The following FAM83G variants were observed in gnomAD, a reference collection of about 807,000 sequenced individuals.
The protein encoded by FAM83G is scaffolding CK1 anchoring protein G, also known as protein FAM83G.
FAM83G carries 38 observed loss-of-function variants against 61.5 expected under a neutral mutation model. That is an observed-to-expected ratio of 0.62 (90% CI 0.48 to 0.81). The LOEUF (loss-of-function observed/expected upper bound fraction) is 0.81. FAM83G is among the 30% of genes least tolerant of loss of function. The pLI, the probability that FAM83G is intolerant of heterozygous loss-of-function variation, is 0.00. For missense variants in FAM83G, 989 were observed against 1,133.6 expected (o/e 0.87, Z 1.83); for synonymous variants, 470 against 476.1 (o/e 0.99, Z 0.17).
chr17:18,991,501 G>A lies in FAM83G; in HGVS notation c.523-3087C>T, dbSNP rs186722497. On this transcript the variant is annotated intron_variant, in intron 2 of 5. Coordinates refer to ENST00000388995, the MANE Select transcript of FAM83G (RefSeq NM_001039999.3). ...AGAGGTCCTGGGCAGGGCAAGGGCT[G>A]TGGAAATGAGAGGGGAGGCTGACTC... 4.7e-4 allele frequency among the ~76,000 whole-genome samples: 71 copies of A among 152,328 alleles called. 1 individual carries two copies. Among genetic ancestry groups the A allele is most frequent in the Middle Eastern group, 3.4e-3 (1 of 294 alleles).
Position 19,003,776 on chromosome 17 carries a change from C to A in FAM83G, c.266G>T (p.Gly89Val), listed in dbSNP as rs1262598470. 7 of 1,610,544 alleles carry A rather than the reference C, an allele frequency of 4.3e-6. No individual in the cohort carries two copies. The highest frequency in any genetic ancestry group is 2.7e-5 in the African/African-American group (2 of 74,718). The stretch of plus-strand genomic sequence containing the variant: ...GTCGCCGACCCCATTGTCCTCGGGC[C>A]CCTGAGAGGGGCCCGTGCCCCGAGG... ...EDPRGTGPSQ[G>V]PEDNGVGDGE... Residue 89 changes from glycine to valine, a missense_variant, in exon 2 of 6, where the codon GGG becomes GTG. Around this residue, in one of 3 missense-constraint regions of FAM83G, gnomAD observed 371 missense variants for 404.5 expected, o/e 0.92. Coordinates refer to ENST00000388995, the MANE Select transcript of FAM83G (RefSeq NM_001039999.3). The surrounding 1 kb of genome is among the most constrained non-coding windows in gnomAD (Gnocchi z 4.5).
Position 18,978,692 on chromosome 17 carries a change from G to C in FAM83G, c.974C>G (p.Pro325Arg), listed in dbSNP as rs2043051951. ...GGGGACCACAGAGGGCAGCACAATAGGCTCCGGCTCCGGTTCCTTCTCCAT... is the reference window on the plus strand; with the variant it reads ...GGGGACCACAGAGGGCAGCACAATACGCTCCGGCTCCGGTTCCTTCTCCAT... ...IPMEKEPEPE[P>R]IVLPSVVPLV... is the part of the protein sequence containing the mutation. Residue 325 changes from proline (P) to arginine (R), a missense_variant, in exon 5 of 6, where the codon CCT (proline) becomes CGT (arginine). Transcript: ENST00000388995. The C allele has an allele frequency of 6.2e-7, 1 of 1,612,874 alleles. No homozygotes were observed. Among genetic ancestry groups the C allele is most frequent in the Non-Finnish European group, 8.5e-7 (1 of 1,180,026 alleles).
intron 5 of FAM83G, among the ~76,000 whole-genome samples, chr17:18,973,611 A>G (rs1281494069): frequency 3.3e-5 from 5 of 152,088 alleles, no homozygotes; most frequent in African/African-American, 9.7e-5. Flanking sequence ...GTCTGACTCC[A>G]CTTTGCTCTG....
At chr17:18,984,210 C>T (rs1048941641) in intron 3 of FAM83G, among the ~76,000 whole-genome samples, 4 of 151,736 alleles carry the variant, frequency 2.6e-5, no homozygotes, top group Non-Finnish European at 2.9e-5. Context: ...GGCGTGGTGG[C>T]GGGCCCCTGT....
Position 19,003,952 on chromosome 17 carries a change from C to T in FAM83G, c.90G>A (p.Glu30=), listed in dbSNP as rs532169159. ...ESKPEFFYSE[E]QRLALEALVA... ...CCAGGGCCTCCAGCGCCAGCCGCTG[C>T]TCCTCGCTGTAGAAGAACTCAGGCT... Residue 30 remains glutamate, a synonymous_variant, in exon 2 of 6, where the codon GAG becomes GAA. Transcript: ENST00000388995. This position sits in a 1 kb window ranked among gnomAD's most constrained non-coding sequence, Gnocchi z 4.5. The T allele has an allele frequency of 6.2e-6, 10 of 1,612,962 alleles. No homozygotes were observed. The South Asian group carries it at 1.1e-4, about 18-fold the overall frequency.
chr17:18,978,750 T>C lies in FAM83G; in HGVS notation c.916A>G (p.Met306Val), dbSNP rs775851930. 6.2e-7 allele frequency: 1 copy of C among 1,612,908 alleles called. No individual in the cohort carries two copies. The highest frequency in any genetic ancestry group is 8.5e-7 in the Non-Finnish European group (1 of 1,179,992). ...CCCTTGAGGCTCACACTGTGTGACATGAGGTACAGCTCCTGGAACTGCCGG... is the reference window on the plus strand; with the variant it reads ...CCCTTGAGGCTCACACTGTGTGACACGAGGTACAGCTCCTGGAACTGCCGG... Reference protein sequence around the residue: ...FDRQFQELYLMSHSVSLKGIP... With the variant: ...FDRQFQELYLVSHSVSLKGIP... The change falls in exon 5 of 6, where the codon ATG becomes GTG. Residue 306 changes from methionine (M) to valine (V), a missense_variant. By Grantham distance (21) the Met-to-Val change is conservative. Around this residue, in one of 3 missense-constraint regions of FAM83G, gnomAD observed 44 missense variants for 83.9 expected, o/e 0.52. Transcript: ENST00000388995.
In FAM83G at chr17:19,004,568, T is replaced by A. The variant is rs2043827761; in HGVS notation, c.-129+141A>T. 6.6e-6 allele frequency: 1 copy of A among 151,698 alleles called. No individual in the cohort carries two copies. The highest frequency in any genetic ancestry group is 1.5e-5 in the Non-Finnish European group (1 of 67,880). The allele number at this position is 151,698 out of a possible 1,614,324, so 9.4% of individuals were successfully genotyped here. ...CGGGTAAGGGAGGGGTCTTAAAATT[T>A]CCGGGTGCCGGCAACCCAGGAGGCC... On this transcript the variant is annotated intron_variant, in intron 1 of 5. Coordinates refer to ENST00000388995, the MANE Select transcript of FAM83G (RefSeq NM_001039999.3). The surrounding 1 kb of genome is among the most constrained non-coding windows in gnomAD (Gnocchi z 5.4).
At position 18,971,069 on chromosome 17, in the gene FAM83G, C is replaced by A. The variant is rs1437044271; in HGVS notation, c.*290G>T. The A allele has an allele frequency of 6.2e-7, 1 of 1,614,104 alleles. No individual in the cohort carries two copies. Among genetic ancestry groups the A allele is most frequent in the Non-Finnish European group, 8.5e-7 (1 of 1,180,034 alleles). On this transcript the variant is annotated 3_prime_UTR_variant, in exon 6 of 6. Coordinates refer to ENST00000388995, the MANE Select transcript of FAM83G (RefSeq NM_001039999.3). This position sits in a 1 kb window ranked among gnomAD's most constrained non-coding sequence, Gnocchi z 5.5. ...GGAGGCAGCCTACGCCCAGGCCATTCCCTCCAGGACCATTGCCAACACCAC... is the reference window on the plus strand; with the variant it reads ...GGAGGCAGCCTACGCCCAGGCCATTACCTCCAGGACCATTGCCAACACCAC...
In FAM83G at chr17:18,969,025, C is replaced by A; in HGVS notation, c.*2334G>T. On this transcript the variant is annotated 3_prime_UTR_variant, in exon 6 of 6. Transcript: ENST00000388995. ...TTGCTGGAGCCCTGGGAATAACAGT[C>A]CCACACAAGGCTCTCTCCCTCCGCA... is the stretch of plus-strand genomic sequence containing the variant. The A allele has an allele frequency of 6.3e-7, 1 of 1,599,714 alleles. No homozygotes were observed.
chr17:18,973,906 T>TC (rs1484588575), intron 5 of FAM83G, among the ~76,000 whole-genome samples: 33 of 143,186 alleles, frequency 2.3e-4, no homozygotes, highest in African/African-American at 8.0e-4. Context: ...TTTTTTTTTT[T>TC]CCCAGAGACA....
At chr17:18,982,439 C>T (rs2043162066) in intron 3 of FAM83G, among the ~76,000 whole-genome samples, 1 of 152,232 alleles carries the variant, frequency 6.6e-6, no homozygotes, top group Non-Finnish European at 1.5e-5. Context: ...TGTCTCTGAG[C>T]TCCTGGGACA....
intron 3 of FAM83G, among the ~76,000 whole-genome samples, chr17:18,980,707 G>A (rs1225902958): frequency 6.6e-6 from 1 of 152,126 alleles, no homozygotes; most frequent in South Asian, 2.1e-4. Context: ...CCCAAGTGTC[G>A]AGGATGGCCA....
At chr17:18,984,497 G>C (rs971008700) in intron 3 of FAM83G, among the ~76,000 whole-genome samples, 1 of 152,220 alleles carries the variant, frequency 6.6e-6, no homozygotes. Flanking sequence ...AGGCCTGAGC[G>C]GCAGCGATCC....
At chr17:18,972,784 C>G (rs1019768559) in intron 5 of FAM83G, among the ~76,000 whole-genome samples, 1 of 151,930 alleles carries the variant, frequency 6.6e-6, no homozygotes, top group East Asian at 1.9e-4. Context: ...ATGGCGTGAG[C>G]CCAGGAGGTG....
At chr17:18,979,872 T>G (rs1464713553) in intron 3 of FAM83G, among the ~76,000 whole-genome samples, 199 bp from the exon 4 acceptor site, 1 of 152,026 alleles carries the variant, frequency 6.6e-6, no homozygotes, top group African/African-American at 2.4e-5. Flanking sequence ...TGCTGAGCCG[T>G]GAAGCTACAG....
intron 2 of FAM83G, among the ~76,000 whole-genome samples, chr17:18,997,859 GAC>G (rs200609242): frequency 6.6e-6 from 1 of 151,834 alleles, no homozygotes; most frequent in East Asian, 1.9e-4. Flanking sequence ...CTCCATGCCA[GAC>G]ACAGAGTGTT....
chr17:18,972,009 C>T (rs1464837344), intron 5 of FAM83G, among the ~76,000 whole-genome samples: 4 of 152,200 alleles, frequency 2.6e-5, no homozygotes, highest in African/African-American at 4.8e-5. Flanking sequence ...TCCTCTATTC[C>T]GACACAGGCC....
chr17:18,986,572 C>A (rs1409809132), intron 3 of FAM83G, among the ~76,000 whole-genome samples: 1 of 152,242 alleles, frequency 6.6e-6, no homozygotes, highest in Non-Finnish European at 1.5e-5. Flanking sequence ...GGCCCCCCAC[C>A]TGCCCCATTG....
Position 19,004,162 on chromosome 17 carries a change from T to G in FAM83G, c.-121A>C, listed in dbSNP as rs1194847648. 36 of 936,614 alleles carry G rather than the reference T, an allele frequency of 3.8e-5. No individual in the cohort carries two copies. Among genetic ancestry groups the G allele is most frequent in the Non-Finnish European group, 5.0e-5 (33 of 655,744 alleles). 58.0% of individuals were successfully genotyped at this position (936,614 alleles called of 1,614,324 possible). A position where few individuals can be genotyped will look rare whatever the true frequency, so the allele number is the denominator to read the frequency against. ...TCCGCGGCCTCTGCTTCTCTGCCCATGAGCAATCTGCGGGAAAGACCTGAT... is the reference window on the plus strand; with the variant it reads ...TCCGCGGCCTCTGCTTCTCTGCCCAGGAGCAATCTGCGGGAAAGACCTGAT... On this transcript the variant is annotated 5_prime_UTR_variant, in exon 2 of 6. It removes an upstream start codon present in the reference 5' UTR. Transcript: ENST00000388995. The surrounding 1 kb of genome is among the most constrained non-coding windows in gnomAD (Gnocchi z 5.4).
Sources: gnomAD v4.1 joint callset for allele counts (sites outside exome capture counted in the v4.1 genomes callset) on GRCh38, gnomAD v4.1.1 for gene constraint, gnomAD v4.1.1 regional missense constraint, Gnocchi (gnomAD v3.1) non-coding constraint, MANE v1.5 for transcripts, NCBI Gene and HGNC (gene_info 2026-07-23, HGNC 2026-07-21) for gene names.